The following ERC2 variants were observed in gnomAD, a reference collection of about 807,000 sequenced individuals.
ERC2 encodes the protein ELKS/RAB6-interacting/CAST family member 2, also known as ERC protein 2.
Under a neutral mutation model 114.8 loss-of-function variants are expected in ERC2, and 42 were observed. That is an observed-to-expected ratio of 0.37 (90% CI 0.29 to 0.47). The LOEUF (loss-of-function observed/expected upper bound fraction) is 0.47, where lower values mean the gene tolerates loss of function less well. Ranked by LOEUF, ERC2 falls within the 20% of genes least tolerant of loss-of-function variation. The probability of loss-of-function intolerance (pLI) is 0.99; values close to 1 mark genes in which losing one functional copy is unlikely to be tolerated. For synonymous variants in ERC2, 454 were observed against 425.5 expected, an observed-to-expected ratio of 1.07 and a Z score of -0.82; for missense variants, 939 against 1,150.7, an observed-to-expected ratio of 0.82 and a Z score of 2.66.
intron 3 of ERC2, among the ~76,000 whole-genome samples, chr3:56,219,500 G>T (rs937298286): frequency 6.6e-6 from 1 of 151,844 alleles, no homozygotes; most frequent in Non-Finnish European, 1.5e-5. Context: ...GTTTCCCAAA[G>T]CTTCTAGCCC....
chr3:56,040,086 A>G (rs1056447245), intron 7 of ERC2, among the ~76,000 whole-genome samples: 1 of 152,148 alleles, frequency 6.6e-6, no homozygotes, highest in African/African-American at 2.4e-5. Context: ...GATCTGGCCA[A>G]TGATTTTTTT....
rs528230442 is a variant in ERC2 at position 56,069,948 on chromosome 3, T to C, written c.1641+10869A>G. On this transcript the variant is annotated intron_variant, in intron 7 of 17. Coordinates refer to ENST00000288221, the MANE Select transcript of ERC2 (RefSeq NM_015576.3). ...AAAGGAAAGTACAAAGTACAAAGAC[T>C]GCAGTATCAGAACAGTAGAAAAATG... is the stretch of plus-strand genomic sequence containing the variant. Among the ~76,000 whole-genome samples the C allele has an allele frequency of 5.9e-5, 9 of 152,306 alleles. No homozygotes were observed. In the South Asian group the frequency reaches 1.9e-3, roughly 32 times the overall value.
chr3:56,461,523 C>A (rs2063318692), intron 1 of ERC2, among the ~76,000 whole-genome samples: 1 of 152,170 alleles, frequency 6.6e-6, no homozygotes, highest in African/African-American at 2.4e-5. Flanking sequence ...GGAAGTGATG[C>A]AAGCCACCTC....
At chr3:55,538,018 T>C (rs2054113596) in intron 17 of ERC2, among the ~76,000 whole-genome samples, 1 of 152,176 alleles carries the variant, frequency 6.6e-6, no homozygotes, top group Admixed American at 6.5e-5. Context: ...ATGATCAGCA[T>C]GTCAAATCCT....
intron 3 of ERC2, among the ~76,000 whole-genome samples, chr3:56,222,301 C>A (rs887453251): frequency 6.6e-6 from 1 of 152,082 alleles, no homozygotes; most frequent in Non-Finnish European, 1.5e-5. Context: ...CAGCTTGAAC[C>A]CAGGTTCTCT....
chr3:55,790,899 C>T (rs1388762088), intron 14 of ERC2, among the ~76,000 whole-genome samples: 3 of 152,230 alleles, frequency 2.0e-5, no homozygotes, highest in Non-Finnish European at 2.9e-5. Flanking sequence ...CAGCAAAGAG[C>T]TTCGGCTCTG....
At chr3:55,835,263 T>A (rs568238131) in intron 14 of ERC2, among the ~76,000 whole-genome samples, 3 of 152,274 alleles carry the variant, frequency 2.0e-5, no homozygotes. Context: ...GAGGCCAGCA[T>A]CATCCTGATA....
At chr3:56,103,270 G>A (rs2078456756) in intron 6 of ERC2, among the ~76,000 whole-genome samples, 1 of 152,188 alleles carries the variant, frequency 6.6e-6, no homozygotes, top group African/African-American at 2.4e-5. Flanking sequence ...TTGGCAGGGT[G>A]AAGTGGGGAC....
At chr3:56,070,627 A>G (rs566032718) in intron 7 of ERC2, among the ~76,000 whole-genome samples, 2 of 152,306 alleles carry the variant, frequency 1.3e-5, no homozygotes, top group East Asian at 3.9e-4. Flanking sequence ...CCTGAACTGC[A>G]TTTTTAAATA....
intron 17 of ERC2, among the ~76,000 whole-genome samples, chr3:55,665,780 A>G (rs1414036886): frequency 1.3e-5 from 2 of 152,184 alleles, no homozygotes; most frequent in Admixed American, 1.3e-4. Context: ...AATGCTGATG[A>G]GAGTTTGCTG....
intron 2 of ERC2, among the ~76,000 whole-genome samples, chr3:56,348,056 C>A (rs1047000778): frequency 6.6e-6 from 1 of 152,106 alleles, no homozygotes; most frequent in African/African-American, 2.4e-5. Context: ...GCTTAAAATC[C>A]CATCTGTTGT....
At chr3:56,033,029 AC>A (rs1346302584) in intron 7 of ERC2, among the ~76,000 whole-genome samples, 10 of 56,252 alleles carry the variant, frequency 1.8e-4, no homozygotes, top group African/African-American at 4.9e-4. Context: ...GAAAAAAGAA[AC>A]AGAAAGAAAG....
At chr3:56,360,061 C>CTTTTT (rs5849149) in intron 2 of ERC2, among the ~76,000 whole-genome samples, 43 of 99,170 alleles carry the variant, frequency 4.3e-4, no homozygotes, top group Non-Finnish European at 4.8e-4. Flanking sequence ...TAACAAAAAT[C>CTTTTT]TTTTTTTTTT....
At chr3:55,845,343 T>A (rs56109159) in intron 14 of ERC2, among the ~76,000 whole-genome samples, 26,865 of 151,088 alleles carry the variant, frequency 0.18, 3,509 homozygotes, top group African/African-American at 0.36. Flanking sequence ...TCTCTGCTAA[T>A]AATACAAAAA....
chr3:55,666,818 A>G (rs1215636444), intron 17 of ERC2, among the ~76,000 whole-genome samples: 2 of 152,076 alleles, frequency 1.3e-5, no homozygotes, highest in Non-Finnish European at 2.9e-5. Flanking sequence ...CCACTTCTCA[A>G]TTCCAGCTCC....
chr3:55,950,634 A>G (rs2067434423), intron 12 of ERC2, 74 bp from the exon 13 acceptor site: 1 of 1,535,736 alleles, frequency 6.5e-7, no homozygotes, highest in East Asian at 2.2e-5. Flanking sequence ...AGATTCAGGA[A>G]GTACTAAGTA....
intron 7 of ERC2, among the ~76,000 whole-genome samples, chr3:56,069,561 T>C (rs1397816331): frequency 6.6e-6 from 1 of 151,980 alleles, no homozygotes; most frequent in Non-Finnish European, 1.5e-5. Context: ...TAGGGAAAAA[T>C]TCACTTCCAA....
intron 13 of ERC2, among the ~76,000 whole-genome samples, chr3:55,916,128 C>T (rs2065078955): frequency 6.6e-6 from 1 of 152,122 alleles, no homozygotes. Flanking sequence ...CAGACCCATT[C>T]AGCTCACTGT....
intron 17 of ERC2, among the ~76,000 whole-genome samples, chr3:55,515,758 C>T (rs994091260): frequency 1.3e-5 from 2 of 151,898 alleles, no homozygotes; most frequent in Admixed American, 6.6e-5. Context: ...AGGACAGACG[C>T]CCCAGGGAGA....
Sources: gnomAD v4.1 joint callset for allele counts (sites outside exome capture counted in the v4.1 genomes callset) on GRCh38, gnomAD v4.1.1 for gene constraint, MANE v1.5 for transcripts, NCBI Gene and HGNC (gene_info 2026-07-23, HGNC 2026-07-21) for gene names.